The following COP1 variants were observed in gnomAD, a reference collection of about 807,000 sequenced individuals.
COP1 encodes COP1 E3 ubiquitin ligase.
COP1 carries 24 observed loss-of-function variants against 101.3 expected under a neutral mutation model. That is an observed-to-expected ratio of 0.24 (90% CI 0.17 to 0.33). The LOEUF (loss-of-function observed/expected upper bound fraction) is 0.33, where lower values mean the gene tolerates loss of function less well. COP1 is among the 10% of genes least tolerant of loss of function. The pLI, the probability that COP1 is intolerant of heterozygous loss-of-function variation, is 1.00. For synonymous variants in COP1, 347 were observed against 341.9 expected (o/e 1.01, Z -0.17); for missense variants, 663 against 906.2 (o/e 0.73, Z 3.45).
chr1:176,132,372 A>G (rs1689023483), intron 8 of COP1, among the ~76,000 whole-genome samples: 1 of 151,790 alleles, frequency 6.6e-6, no homozygotes, highest in Admixed American at 6.6e-5. Context: ...TACCATGCCT[A>G]ACTATTCTTC....
At chr1:176,191,405 C>T (rs973216706) in intron 1 of COP1, among the ~76,000 whole-genome samples, 2 of 151,914 alleles carry the variant, frequency 1.3e-5, no homozygotes, top group African/African-American at 4.8e-5. Context: ...GAATGAAAGA[C>T]GCCCAGCAAA....
chr1:176,023,522 C>G (rs1205263411), intron 15 of COP1, among the ~76,000 whole-genome samples: 1 of 151,672 alleles, frequency 6.6e-6, no homozygotes, highest in Non-Finnish European at 1.5e-5. Context: ...AGTTTGAGAC[C>G]AGCCTGACCA....
At chr1:176,005,004 C>T (rs558330379) in intron 15 of COP1, among the ~76,000 whole-genome samples, 2 of 152,078 alleles carry the variant, frequency 1.3e-5, no homozygotes, top group East Asian at 1.9e-4. Flanking sequence ...GGTTGGTAAG[C>T]TATTGATTCT....
chr1:176,091,329 G>C (rs984134509), intron 9 of COP1, among the ~76,000 whole-genome samples: 3 of 142,680 alleles, frequency 2.1e-5, no homozygotes, highest in South Asian at 2.2e-4. Context: ...CTGGGCAACA[G>C]AGCGAGACTC....
chr1:176,062,228 T>A (rs1177458348), intron 11 of COP1, among the ~76,000 whole-genome samples: 1 of 152,130 alleles, frequency 6.6e-6, no homozygotes, highest in Non-Finnish European at 1.5e-5. Flanking sequence ...GGTCTCGATC[T>A]CCTGACCTTG....
chr1:175,991,407 C>G (rs565347982), intron 15 of COP1, among the ~76,000 whole-genome samples: 2 of 152,246 alleles, frequency 1.3e-5, no homozygotes, highest in South Asian at 2.1e-4. Context: ...CACACCCATA[C>G]AGGGGACTTA....
chr1:175,947,198 A>G lies in COP1; in HGVS notation c.2175T>C (p.Ile725=), dbSNP rs775028352. Residue 725 remains isoleucine, a synonymous_variant, in exon 19 of 20, where the codon ATT becomes ATC. Transcript: ENST00000367669. ...VLIAANSQGT[I]KVLELV is the part of the protein sequence containing the mutation. ...GGAGATATAGTAAATAGCTTACCTT[A>G]ATTGTACCCTGACTGTTAGCAGCAA... The G allele has an allele frequency of 3.7e-6, 6 of 1,604,752 alleles. No homozygotes were observed. In the South Asian group the frequency reaches 6.6e-5, roughly 18 times the overall value.
At chr1:176,027,429 T>C in intron 15 of COP1, 143 bp downstream of exon 15, 1 of 630,016 alleles carries the variant, frequency 1.6e-6, no homozygotes, top group Non-Finnish European at 2.8e-6. Flanking sequence ...AATGATGGCA[T>C]ACTGTATACT....
At chr1:175,956,750 A>C (rs1456902660) in intron 18 of COP1, among the ~76,000 whole-genome samples, 4 of 152,182 alleles carry the variant, frequency 2.6e-5, no homozygotes, top group South Asian at 2.1e-4. Context: ...CTTAATCATT[A>C]ATTTAGATTA....
chr1:176,135,192 CCT>C (rs1459896032), intron 7 of COP1, 106 bp from the exon 8 acceptor site: 1 of 659,908 alleles, frequency 1.5e-6, no homozygotes, highest in Non-Finnish European at 2.5e-6. Flanking sequence ...TTCATCAGTC[CCT>C]GTTTGTCTCA....
intron 6 of COP1, among the ~76,000 whole-genome samples, chr1:176,138,711 A>G (rs141806740): frequency 1.4e-4 from 22 of 152,246 alleles, no homozygotes; most frequent in African/African-American, 5.1e-4. Flanking sequence ...GTTTTCCACC[A>G]TAACATAAAA....
intron 9 of COP1, among the ~76,000 whole-genome samples, chr1:176,114,425 G>T (rs1303490655): frequency 6.6e-6 from 1 of 151,948 alleles, no homozygotes; most frequent in Non-Finnish European, 1.5e-5. Flanking sequence ...ACAAGAAAAA[G>T]AAAAACAGAA....
At chr1:176,137,212 T>G (rs1338580811) in intron 6 of COP1, among the ~76,000 whole-genome samples, 1 of 152,200 alleles carries the variant, frequency 6.6e-6, no homozygotes, top group African/African-American at 2.4e-5. Flanking sequence ...CACTAATAAT[T>G]TTCCATGCCA....
At chr1:176,151,899 A>G (rs1250718795) in intron 5 of COP1, among the ~76,000 whole-genome samples, 1 of 151,704 alleles carries the variant, frequency 6.6e-6, no homozygotes, top group Non-Finnish European at 1.5e-5. Context: ...TCCCAAGTAC[A>G]GTTCACTCTA....
chr1:175,992,782 G>C (rs139447523), intron 15 of COP1, among the ~76,000 whole-genome samples: 14 of 152,328 alleles, frequency 9.2e-5, no homozygotes, highest in African/African-American at 3.4e-4. Flanking sequence ...GCTCAAGGAG[G>C]CCTGCCTGCC....
At chr1:175,984,610 A>G (rs1656666069) in intron 18 of COP1, among the ~76,000 whole-genome samples, 1 of 152,160 alleles carries the variant, frequency 6.6e-6, no homozygotes, top group Non-Finnish European at 1.5e-5. Context: ...CCAGACCCCA[A>G]AATGGTAGAT....
intron 14 of COP1, among the ~76,000 whole-genome samples, chr1:176,037,823 A>T (rs1669841563): frequency 6.6e-6 from 1 of 152,188 alleles, no homozygotes; most frequent in African/African-American, 2.4e-5. Flanking sequence ...AGCCTAATTT[A>T]GTCAGTATAT....
intron 10 of COP1, among the ~76,000 whole-genome samples, chr1:176,082,913 C>A (rs1181904433): frequency 6.6e-6 from 1 of 152,014 alleles, no homozygotes; most frequent in East Asian, 1.9e-4. Flanking sequence ...AAGATTTAAA[C>A]ACTAAGCAAA....
intron 14 of COP1, among the ~76,000 whole-genome samples, chr1:176,030,963 T>A (rs1397614066): frequency 6.6e-6 from 1 of 152,042 alleles, no homozygotes; most frequent in Non-Finnish European, 1.5e-5. Flanking sequence ...AAAGGCACAG[T>A]GAGAAGAAGG....
Sources: allele counts gnomAD v4.1 joint callset (sites outside exome capture counted in the v4.1 genomes callset), GRCh38; gene constraint gnomAD v4.1.1; transcripts MANE v1.5; gene names NCBI Gene and HGNC (gene_info 2026-07-23, HGNC 2026-07-21).